GRIA4: variants seen among roughly 807,000 people sequenced by gnomAD.
GRIA4 encodes glutamate receptor 4.
Under a neutral mutation model 104.0 loss-of-function variants are expected in GRIA4, and 34 were observed. The observed-to-expected ratio is 0.33, with a 90% CI of 0.25 to 0.44. The LOEUF (loss-of-function observed/expected upper bound fraction) is 0.44. Ranked by LOEUF, GRIA4 falls within the 20% of genes least tolerant of loss-of-function variation. The probability of loss-of-function intolerance (pLI) is 1.00; values close to 1 mark genes in which losing one functional copy is unlikely to be tolerated. For synonymous variants in GRIA4, 386 were observed against 381.9 expected, an observed-to-expected ratio of 1.01 and a Z score of -0.13; for missense variants, 750 against 1,096.5, an observed-to-expected ratio of 0.68 and a Z score of 4.46.
intron 12 of GRIA4, 90 bp downstream of exon 12, chr11:105,924,859 G>GA (rs1487849165): frequency 1.0e-6 from 1 of 1,002,816 alleles, no homozygotes; most frequent in Non-Finnish European, 1.5e-6. Context: ...TTTTCCTGAA[G>GA]ACAGAGGACT....
Position 105,898,426 on chromosome 11 carries a change from A to G in GRIA4, c.884A>G (p.Lys295Arg). Residue 295 changes from lysine to arginine, a missense_variant and splice_region_variant, in exon 7 of 17, where the codon AAG becomes AGG. Physicochemically the swap from Lys to Arg is conservative, Grantham distance 26. This residue lies in a region of GRIA4 where 410 missense variants were observed against 502.7 expected (regional missense o/e 0.82). Transcript: ENST00000282499. ...TATCCAGGATCTGAGACTCCTCCAA[A>G]GGTATTTGTTTATTTTTATCTACTG... ...REYPGSETPP[K>R]YTSALTYDGV... 6.5e-7 allele frequency: 1 copy of G among 1,547,390 alleles called. No homozygotes were observed. Among genetic ancestry groups the G allele is most frequent in the South Asian group, 1.1e-5 (1 of 88,112 alleles).
At chr11:105,632,426 T>C (rs1268407957) in intron 3 of GRIA4, among the ~76,000 whole-genome samples, 3 of 152,188 alleles carry the variant, frequency 2.0e-5, no homozygotes, top group African/African-American at 7.2e-5. Flanking sequence ...AACACTTCCA[T>C]TCTTCCAAAA....
At chr11:105,677,872 A>T (rs1161798454) in intron 3 of GRIA4, among the ~76,000 whole-genome samples, 1 of 152,014 alleles carries the variant, frequency 6.6e-6, no homozygotes, top group Non-Finnish European at 1.5e-5. Flanking sequence ...TCAAATGATC[A>T]GGTCACAGAG....
chr11:105,724,649 G>A (rs376770591), intron 3 of GRIA4, among the ~76,000 whole-genome samples: 24 of 152,194 alleles, frequency 1.6e-4, no homozygotes, highest in African/African-American at 5.8e-4. Context: ...TTGGGGGGCA[G>A]TAGGGGATGG....
At chr11:105,933,144 AG>A (rs1267904004) in intron 13 of GRIA4, among the ~76,000 whole-genome samples, 1 of 152,006 alleles carries the variant, frequency 6.6e-6, no homozygotes, top group Non-Finnish European at 1.5e-5. Flanking sequence ...CAGGAGGCTG[AG>A]GCGGGAGGAT....
intron 3 of GRIA4, among the ~76,000 whole-genome samples, chr11:105,704,428 G>A (rs557451926): frequency 1.6e-4 from 25 of 152,032 alleles, no homozygotes; most frequent in African/African-American, 5.8e-4. Context: ...AAGAAAACTG[G>A]CCAGTGTGGT....
intron 3 of GRIA4, among the ~76,000 whole-genome samples, chr11:105,684,291 C>A (rs538581981): frequency 6.6e-6 from 1 of 152,008 alleles, no homozygotes; most frequent in African/African-American, 2.4e-5. Flanking sequence ...ATATTATCAA[C>A]GACATTAAAC....
At chr11:105,793,765 T>C (rs1178584763) in intron 4 of GRIA4, among the ~76,000 whole-genome samples, 1 of 152,032 alleles carries the variant, frequency 6.6e-6, no homozygotes, top group Non-Finnish European at 1.5e-5. Flanking sequence ...AGGCAGAGAA[T>C]GTCACTCTTG....
At chr11:105,969,189 C>G (rs1040484125) in intron 14 of GRIA4, among the ~76,000 whole-genome samples, 3 of 152,086 alleles carry the variant, frequency 2.0e-5, no homozygotes, top group African/African-American at 7.2e-5. Context: ...AGATGCTATA[C>G]TTACAAATAA....
At chr11:105,720,497 T>C (rs906846929) in intron 3 of GRIA4, among the ~76,000 whole-genome samples, 1 of 152,158 alleles carries the variant, frequency 6.6e-6, no homozygotes, top group African/African-American at 2.4e-5. Context: ...GTATATTTCT[T>C]GGTAGAAATG....
intron 3 of GRIA4, among the ~76,000 whole-genome samples, chr11:105,634,528 GA>G (rs879801069): frequency 0.14 from 13,624 of 98,350 alleles, 1,156 homozygotes; most frequent in Non-Finnish European, 0.18. Flanking sequence ...AAGAAAGAAA[GA>G]AAAGAAAGAA....
intron 3 of GRIA4, among the ~76,000 whole-genome samples, chr11:105,667,438 G>A (rs561995000): frequency 5.3e-4 from 80 of 151,906 alleles, no homozygotes; most frequent in African/African-American, 1.8e-3. Context: ...AAATGAACTC[G>A]TTTCTTTTCA....
chr11:105,729,320 G>A (rs1283615611), intron 3 of GRIA4, among the ~76,000 whole-genome samples: 1 of 152,054 alleles, frequency 6.6e-6, no homozygotes, highest in African/African-American at 2.4e-5. Context: ...TTGAATCCCT[G>A]AATAAACCAA....
At chr11:105,855,556 T>C (rs1318948553) in intron 4 of GRIA4, among the ~76,000 whole-genome samples, 2 of 152,142 alleles carry the variant, frequency 1.3e-5, no homozygotes, top group Admixed American at 1.3e-4. Flanking sequence ...AGCTATATAG[T>C]AATTATGCTA....
At chr11:105,788,734 G>C (rs1482327793) in intron 4 of GRIA4, among the ~76,000 whole-genome samples, 1 of 152,050 alleles carries the variant, frequency 6.6e-6, no homozygotes, top group African/African-American at 2.4e-5. Context: ...AGACACTGGG[G>C]ACTCCAAAAG....
At chr11:105,911,358 C>G (rs1947229060) in intron 10 of GRIA4, among the ~76,000 whole-genome samples, 1 of 151,848 alleles carries the variant, frequency 6.6e-6, no homozygotes, top group Non-Finnish European at 1.5e-5. Flanking sequence ...AAAGTCAATG[C>G]TAGTCAAAAG....
At chr11:105,827,370 T>G (rs1389075630) in intron 4 of GRIA4, among the ~76,000 whole-genome samples, 2 of 151,980 alleles carry the variant, frequency 1.3e-5, no homozygotes, top group Non-Finnish European at 2.9e-5. Context: ...GATTCATTAC[T>G]ATTAAGCAGA....
chr11:105,775,472 C>A (rs1941408142), intron 4 of GRIA4, among the ~76,000 whole-genome samples: 1 of 150,964 alleles, frequency 6.6e-6, no homozygotes, highest in Non-Finnish European at 1.5e-5. Flanking sequence ...TGGCTAAGCA[C>A]AAAAACAAAG....
chr11:105,658,153 C>A (rs1225967583), intron 3 of GRIA4, among the ~76,000 whole-genome samples: 3 of 151,650 alleles, frequency 2.0e-5, no homozygotes, highest in African/African-American at 7.3e-5. Flanking sequence ...GTTTCAGTGT[C>A]TGGTCTTTCC....
Sources: gnomAD v4.1 joint callset for allele counts (sites outside exome capture counted in the v4.1 genomes callset) on GRCh38, gnomAD v4.1.1 for gene constraint, gnomAD v4.1.1 regional missense constraint, MANE v1.5 for transcripts, NCBI Gene and HGNC (gene_info 2026-07-23, HGNC 2026-07-21) for gene names.